SLC24A2: variants seen among roughly 807,000 people sequenced by gnomAD.
SLC24A2 encodes solute carrier family 24 member 2, also known as sodium/potassium/calcium exchanger 2.
In SLC24A2, 36 loss-of-function variants were observed where a neutral mutation model predicts 62.0. That is an observed-to-expected ratio of 0.58 (90% CI 0.44 to 0.77). SLC24A2 has a LOEUF of 0.77. Ranked by LOEUF, SLC24A2 falls within the 30% of genes least tolerant of loss-of-function variation. The pLI is 0.00. For synonymous variants in SLC24A2, 358 were observed against 294.0 expected (o/e 1.22, Z -2.23); for missense variants, 846 against 817.9 (o/e 1.03, Z -0.42).
At chr9:20,236,513 C>T in the SLC24A2 span, among the ~76,000 whole-genome samples, 1 of 152,258 alleles carries the variant, frequency 6.6e-6, no homozygotes, top group Non-Finnish European at 1.5e-5. Flanking sequence ...AAATTTTCCT[C>T]TGTACTTGAT....
chr9:19,815,426 C>G, the SLC24A2 span, among the ~76,000 whole-genome samples: 1 of 152,108 alleles, frequency 6.6e-6, no homozygotes, highest in East Asian at 1.9e-4. Flanking sequence ...ACAATTTCCC[C>G]AAAACCTGTT....
the SLC24A2 span, among the ~76,000 whole-genome samples, chr9:20,230,299 G>A: frequency 6.6e-6 from 1 of 151,804 alleles, no homozygotes; most frequent in Non-Finnish European, 1.5e-5. Flanking sequence ...GATCCCTGAG[G>A]AATCGTCACA....
chr9:20,196,660 G>C, the SLC24A2 span, among the ~76,000 whole-genome samples: 1 of 152,168 alleles, frequency 6.6e-6, no homozygotes, highest in African/African-American at 2.4e-5. Flanking sequence ...TTAGTTTATA[G>C]TGCATAGGAT....
chr9:19,582,454 A>G (rs190664535), intron 5 of SLC24A2, among the ~76,000 whole-genome samples: 2 of 152,340 alleles, frequency 1.3e-5, no homozygotes, highest in East Asian at 3.9e-4. Flanking sequence ...ACGATGGGAC[A>G]AAAGAGAGAA....
In SLC24A2 at chr9:19,648,357, G is replaced by T. The variant is rs138458484; in HGVS notation, c.931-26058C>A. 3.0e-3 allele frequency among the ~76,000 whole-genome samples: 462 copies of T among 152,290 alleles called. 1 individual carries two copies. In the Middle Eastern group the frequency reaches 0.037, roughly 12 times the overall value. On this transcript the variant is annotated intron_variant, in intron 2 of 10. Transcript: ENST00000341998. ...ATTCAGAGAGGTAGCAGGAGATTCA[G>T]TGAGGAAACTGAGTTAAAAAACCCC...
chr9:19,816,900 G>A, the SLC24A2 span, among the ~76,000 whole-genome samples: 1 of 151,976 alleles, frequency 6.6e-6, no homozygotes, highest in Non-Finnish European at 1.5e-5. Flanking sequence ...AATTCAACAT[G>A]AAATTTGGGT....
the SLC24A2 span, among the ~76,000 whole-genome samples, chr9:20,073,431 C>G: frequency 6.6e-6 from 1 of 152,048 alleles, no homozygotes; most frequent in Non-Finnish European, 1.5e-5. Flanking sequence ...AATCTTTTCA[C>G]CTTTGCCATA....
chr9:20,164,192 G>A, the SLC24A2 span, among the ~76,000 whole-genome samples: 176 of 152,102 alleles, frequency 1.2e-3, 2 homozygotes, highest in African/African-American at 4.1e-3. Flanking sequence ...CGAGTGAACA[G>A]GCAACCTACA....
At chr9:19,543,516 T>G (rs200275609) in intron 8 of SLC24A2, among the ~76,000 whole-genome samples, 2 of 152,086 alleles carry the variant, frequency 1.3e-5, no homozygotes, top group Non-Finnish European at 2.9e-5. Context: ...TCTTTTAATT[T>G]TGATGTTAGG....
chr9:19,794,644 G>T, the SLC24A2 span, among the ~76,000 whole-genome samples: 2 of 151,874 alleles, frequency 1.3e-5, no homozygotes, highest in East Asian at 1.9e-4. Flanking sequence ...CAGAAGTGGG[G>T]TCTGTCCATT....
the SLC24A2 span, among the ~76,000 whole-genome samples, chr9:20,115,283 A>G: frequency 3.7e-4 from 56 of 152,232 alleles, no homozygotes; most frequent in Non-Finnish European, 6.0e-4. Context: ...GAGAACTTTA[A>G]TTTCTTCTTT....
rs140560956 is a variant in SLC24A2, at chr9:19,654,737, G to A, written c.931-32438C>T. On this transcript the variant is annotated intron_variant, in intron 2 of 10. Coordinates refer to ENST00000341998, the MANE Select transcript of SLC24A2 (RefSeq NM_020344.4). ...ACCTGCCCCCGGTGTCTCCAACCCA[G>A]CTTATAATCCTAGTTCCATGATTGC... 3.0e-4 allele frequency among the ~76,000 whole-genome samples: 46 copies of A among 152,188 alleles called. 1 individual carries two copies. In the East Asian group the frequency reaches 3.3e-3, roughly 11 times the overall value.
the SLC24A2 span, among the ~76,000 whole-genome samples, chr9:20,286,658 T>C: frequency 1.3e-5 from 2 of 152,188 alleles, no homozygotes; most frequent in African/African-American, 4.8e-5. Flanking sequence ...GCAACAGCAG[T>C]GTTTGCCACC....
chr9:19,937,557 C>A, the SLC24A2 span, among the ~76,000 whole-genome samples: 1 of 152,188 alleles, frequency 6.6e-6, no homozygotes, highest in Non-Finnish European at 1.5e-5. Context: ...GAATTTCTCT[C>A]AACTGAGCTA....
At chr9:20,206,525 T>C in the SLC24A2 span, among the ~76,000 whole-genome samples, 14 of 152,328 alleles carry the variant, frequency 9.2e-5, no homozygotes, top group East Asian at 2.7e-3. Flanking sequence ...TGTCTCGCTC[T>C]GTCGCCCAGG....
intron 2 of SLC24A2, among the ~76,000 whole-genome samples, chr9:19,692,789 CA>C (rs1432118992): frequency 2.0e-5 from 3 of 152,142 alleles, no homozygotes; most frequent in African/African-American, 4.8e-5. Flanking sequence ...CAGCACCTAG[CA>C]AAATGCTCAG....
chr9:19,660,052 A>T (rs1363383476), intron 2 of SLC24A2, among the ~76,000 whole-genome samples: 1 of 152,184 alleles, frequency 6.6e-6, no homozygotes, highest in Non-Finnish European at 1.5e-5. Flanking sequence ...ATGCAAAAGA[A>T]AGAGAAAGCA....
In SLC24A2 at chr9:19,586,570, T is replaced by C. The variant is rs530684227; in HGVS notation, c.1130-9548A>G. Among the ~76,000 whole-genome samples, 618 of 152,212 alleles carry C rather than the reference T, an allele frequency of 4.1e-3. 3 individuals carry two copies. The highest frequency in any genetic ancestry group is 5.7e-3 in the Non-Finnish European group (386 of 68,020). ...AAAGACTAATAGTGTTTATAATTAATGTTTATTTTAATACCCCCTCCCTTT... is the reference window on the plus strand; with the variant it reads ...AAAGACTAATAGTGTTTATAATTAACGTTTATTTTAATACCCCCTCCCTTT... On this transcript the variant is annotated intron_variant, in intron 5 of 10. Coordinates refer to ENST00000341998, the MANE Select transcript of SLC24A2 (RefSeq NM_020344.4).
At chr9:20,074,632 A>C in the SLC24A2 span, among the ~76,000 whole-genome samples, 4 of 16,742 alleles carry the variant, frequency 2.4e-4, no homozygotes, top group African/African-American at 9.9e-4. Flanking sequence ...GGAGGGAGGG[A>C]GGGACGGGAA....
Sources: allele counts gnomAD v4.1 joint callset (sites outside exome capture counted in the v4.1 genomes callset), GRCh38; gene constraint gnomAD v4.1.1; transcripts MANE v1.5; gene names NCBI Gene and HGNC (gene_info 2026-07-23, HGNC 2026-07-21).